Variants in HP1BP3 observed in about 807,000 individuals in gnomAD.
HP1BP3 encodes heterochromatin protein 1 binding protein 3.
A neutral mutation model predicts 62.5 loss-of-function variants in HP1BP3; 12 were observed. The ratio of observed to expected loss-of-function variants is 0.19; its 90% CI spans 0.12 to 0.31. HP1BP3 has a LOEUF of 0.31. HP1BP3 is among the 10% of genes least tolerant of loss of function. The probability of loss-of-function intolerance (pLI) is 1.00; values close to 1 mark genes in which losing one functional copy is unlikely to be tolerated. For synonymous variants in HP1BP3, 260 were observed against 237.8 expected (o/e 1.09, Z -0.86); for missense variants, 502 against 651.8 (o/e 0.77, Z 2.50).
At chr1:20,771,157 G>A in intron 5 of HP1BP3, 84 bp from the exon 6 acceptor site, 1 of 1,168,516 alleles carries the variant, frequency 8.6e-7, no homozygotes, top group South Asian at 1.4e-5. Context: ...TTTTGGAAGT[G>A]AATTTGATGA....
chr1:20,761,804 C>T (rs578071403), intron 8 of HP1BP3, among the ~76,000 whole-genome samples: 139 of 152,148 alleles, frequency 9.1e-4, no homozygotes, highest in African/African-American at 3.1e-3. Context: ...GATTGAGAAA[C>T]GAAGGGTAAA....
chr1:20,773,103 C>T (rs2057133385), intron 5 of HP1BP3, among the ~76,000 whole-genome samples: 1 of 152,118 alleles, frequency 6.6e-6, no homozygotes, highest in South Asian at 2.1e-4. Context: ...AGTTAATTCA[C>T]CACTAGCAGG....
chr1:20,744,936 T>C lies in HP1BP3; in HGVS notation c.1523A>G (p.Lys508Arg). 6.2e-7 allele frequency: 1 copy of C among 1,614,180 alleles called. No homozygotes were observed. Among genetic ancestry groups the C allele is most frequent in the Non-Finnish European group, 8.5e-7 (1 of 1,180,016 alleles). Residue 508 changes from lysine (K) to arginine (R), a missense_variant, in exon 13 of 13, where the codon AAG becomes AGG. By Grantham distance (26) the Lys-to-Arg change is conservative. Coordinates refer to ENST00000438032, the MANE Select transcript of HP1BP3 (RefSeq NM_001372052.1). The part of the protein sequence containing the change: ...APPKAKTPAK[K>R]TRPSSTVIKK... ...GATGACTGTGGATGAGGGTCTGGTCTTCTTGGCAGGCGTTTTGGCCTTAGG... is the reference window on the plus strand; with the variant it reads ...GATGACTGTGGATGAGGGTCTGGTCCTCTTGGCAGGCGTTTTGGCCTTAGG...
Position 20,757,223 on chromosome 1 carries a change from T to C in HP1BP3, c.924A>G (p.Ala308=), listed in dbSNP as rs780552083. 1.9e-6 allele frequency: 3 copies of C among 1,612,516 alleles called. No homozygotes were observed. Among genetic ancestry groups the C allele is most frequent in the East Asian group, 2.2e-5 (1 of 44,854 alleles). ...PQLLKNALQR[A]VERGQLEQIT... is the part of the protein sequence containing the mutation. ...TCTGTTCTAACTGGCCCCTCTCTAC[T>C]GCTCTCTGCAGAGCGTTCTTCAACA... Residue 308 remains alanine (A), a synonymous_variant, in exon 9 of 13, where the codon GCA becomes GCG. Transcript: ENST00000438032.
intron 1 of HP1BP3, 37 bp from the exon 2 acceptor site, chr1:20,780,577 G>A: frequency 2.1e-5 from 13 of 608,706 alleles, no homozygotes; most frequent in East Asian, 5.6e-5. Context: ...AAGATTAACA[G>A]AAACAAAACT....
chr1:20,741,574 A>T lies in HP1BP3; in HGVS notation c.*3223T>A, dbSNP rs1024829175. 3.9e-5 allele frequency among the ~76,000 whole-genome samples: 6 copies of T among 152,238 alleles called. No homozygotes were observed. The highest frequency in any genetic ancestry group is 3.3e-4 in the Admixed American group (5 of 15,288). The stretch of plus-strand genomic sequence containing the variant: ...TTTAATTAAGTCCATGTGGATGCAT[A>T]GTCAGAATCCATGTGCAATGAATGC... On this transcript the variant is annotated 3_prime_UTR_variant, in exon 13 of 13. Transcript: ENST00000438032.
intron 3 of HP1BP3, among the ~76,000 whole-genome samples, chr1:20,777,681 A>G (rs769085735): frequency 4.0e-4 from 61 of 152,054 alleles, no homozygotes; most frequent in Non-Finnish European, 2.5e-4. Context: ...GATGGTCTCG[A>G]TCTCCTGACC....
intron 1 of HP1BP3, among the ~76,000 whole-genome samples, chr1:20,780,912 T>C (rs973926910): frequency 6.6e-6 from 1 of 152,222 alleles, no homozygotes; most frequent in Non-Finnish European, 1.5e-5. Context: ...TTGTTGTTAC[T>C]GTTCTCGAAA....
Position 20,741,989 on chromosome 1 carries a change from C to T in HP1BP3, c.*2808G>A, listed in dbSNP as rs865877343. ...AGTTGTGGATGTTCGTGGAAGAGTG[C>T]GATGACCTTCCTGTCTTTTCCCTTT... is the stretch of plus-strand genomic sequence containing the variant. On this transcript the variant is annotated 3_prime_UTR_variant, in exon 13 of 13. Transcript: ENST00000438032. Among the ~76,000 whole-genome samples the T allele has an allele frequency of 6.6e-6, 1 of 152,196 alleles. No homozygotes were observed. Among genetic ancestry groups the T allele is most frequent in the Admixed American group, 6.5e-5 (1 of 15,280 alleles).
intron 9 of HP1BP3, 57 bp downstream of exon 9, chr1:20,757,109 C>T: frequency 8.6e-7 from 1 of 1,159,220 alleles, no homozygotes; most frequent in South Asian, 1.3e-5. Flanking sequence ...ATAAGGAGGT[C>T]CTGAAACCAA....
At position 20,746,186 on chromosome 1, in the gene HP1BP3, A is replaced by ATGTGTG. The variant is rs35710978; in HGVS notation, c.1254-536_1254-531dup. On this transcript the variant is annotated intron_variant, in intron 11 of 12. Transcript: ENST00000438032. ...CTTAAATGATAACATACATACATAT[A>ATGTGTG]TGTGTGTGTGTGTGTGTGTGTGTGT... Among the ~76,000 whole-genome samples the ATGTGTG allele has an allele frequency of 1.3e-3, 183 of 143,234 alleles. 2 individuals are homozygous for ATGTGTG. Among genetic ancestry groups the ATGTGTG allele is most frequent in the African/African-American group, 3.8e-3 (141 of 37,144 alleles). The allele number at this position is 143,234 out of a possible 152,430, so 94.0% of individuals were successfully genotyped here.
intron 12 of HP1BP3, 139 bp from the exon 13 acceptor site, chr1:20,745,230 T>C (rs1014655235): frequency 1.6e-5 from 15 of 967,590 alleles, no homozygotes; most frequent in Non-Finnish European, 1.9e-5. Context: ...AATTTTTTAC[T>C]AGAGATTTTA....
chr1:20,747,263 T>C (rs2055397168), intron 11 of HP1BP3, among the ~76,000 whole-genome samples: 1 of 152,108 alleles, frequency 6.6e-6, no homozygotes. Context: ...ACTTTATATG[T>C]GGACTTTTTT....
intron 3 of HP1BP3, among the ~76,000 whole-genome samples, chr1:20,779,026 G>T (rs1412058801): frequency 2.6e-5 from 4 of 152,046 alleles, no homozygotes; most frequent in African/African-American, 9.7e-5. Flanking sequence ...CTGACCTCAG[G>T]TGATCTGCCC....
intron 8 of HP1BP3, among the ~76,000 whole-genome samples, chr1:20,758,742 C>A (rs898519312): frequency 8.6e-5 from 13 of 151,440 alleles, no homozygotes; most frequent in African/African-American, 3.2e-4. Flanking sequence ...ATCTCCCAGG[C>A]TCAAGCAACC....
At position 20,741,454 on chromosome 1, in the gene HP1BP3, G is replaced by C. The variant is rs1348470935; in HGVS notation, c.*3343C>G. ...TCAAAAGGTGTTAGCAGATTGTTTAGTTTTGTTTTCATGTCATTTTCCTGT... is the reference window on the plus strand; with the variant it reads ...TCAAAAGGTGTTAGCAGATTGTTTACTTTTGTTTTCATGTCATTTTCCTGT... On this transcript the variant is annotated 3_prime_UTR_variant, in exon 13 of 13. Coordinates refer to ENST00000438032, the MANE Select transcript of HP1BP3 (RefSeq NM_001372052.1). 1.3e-5 allele frequency among the ~76,000 whole-genome samples: 2 copies of C among 152,192 alleles called. No homozygotes were observed. The highest frequency in any genetic ancestry group is 2.1e-4 in the South Asian group (1 of 4,834).
At chr1:20,780,832 G>A (rs574648622) in intron 1 of HP1BP3, among the ~76,000 whole-genome samples, 1 of 152,284 alleles carries the variant, frequency 6.6e-6, no homozygotes, top group African/African-American at 2.4e-5. Context: ...CCACCATCAG[G>A]AACTTAGAAG....
Position 20,741,407 on chromosome 1 carries a change from A to G in HP1BP3, c.*3390T>C, listed in dbSNP as rs1174866356. On this transcript the variant is annotated 3_prime_UTR_variant, in exon 13 of 13. Coordinates refer to ENST00000438032, the MANE Select transcript of HP1BP3 (RefSeq NM_001372052.1). ...AAGGGCTAACAAAATTTGGAAAAAC[A>G]GCAATGATGAAAAAACAAATGTCAA... Among the ~76,000 whole-genome samples the G allele has an allele frequency of 6.6e-6, 1 of 152,244 alleles. No homozygotes were observed. The highest frequency in any genetic ancestry group is 1.5e-5 in the Non-Finnish European group (1 of 68,048).
At chr1:20,745,786 C>T (rs1174802258) in intron 11 of HP1BP3, 130 bp from the exon 12 acceptor site, 4 of 850,710 alleles carry the variant, frequency 4.7e-6, no homozygotes, top group Non-Finnish European at 7.1e-6. Flanking sequence ...AGCTAGGTTA[C>T]ACGTATCAGG....
Sources: allele counts gnomAD v4.1 joint callset (sites outside exome capture counted in the v4.1 genomes callset), GRCh38; gene constraint gnomAD v4.1.1; transcripts MANE v1.5; gene names NCBI Gene and HGNC (gene_info 2026-07-23, HGNC 2026-07-21).